SLC6A7: variants seen among roughly 807,000 people sequenced by gnomAD.
SLC6A7 encodes solute carrier family 6 member 7.
Under a neutral mutation model 73.1 loss-of-function variants are expected in SLC6A7, and 58 were observed. The ratio of observed to expected loss-of-function variants is 0.79; its 90% CI spans 0.64 to 0.99. SLC6A7 has a LOEUF of 0.99. SLC6A7 is among the 50% of genes least tolerant of loss of function. SLC6A7 has a pLI of 0.00. For missense variants in SLC6A7, 783 were observed against 831.4 expected (o/e 0.94, Z 0.72); for synonymous variants, 338 against 338.7 (o/e 1.00, Z 0.02).
intron 2 of SLC6A7, 106 bp downstream of exon 2, chr5:150,195,017 G>A (rs1433001910): frequency 5.3e-6 from 5 of 941,480 alleles, no homozygotes; most frequent in Non-Finnish European, 8.2e-6. Flanking sequence ...AGGCGACCTT[G>A]GGCAGAACTC....
chr5:150,197,198 A>G lies in SLC6A7; in HGVS notation c.506A>G (p.His169Arg). 6.2e-7 allele frequency: 1 copy of G among 1,613,916 alleles called. No homozygotes were observed. The highest frequency in any genetic ancestry group is 8.5e-7 in the Non-Finnish European group (1 of 1,179,982). ...NWWNTELCLE[H>R]RVSKDGNGAL... ...TGGAACACAGAACTCTGCCTGGAGCACAGAGTCTCCAAGGACGGCAACGGG... is the reference window on the plus strand; with the variant it reads ...TGGAACACAGAACTCTGCCTGGAGCGCAGAGTCTCCAAGGACGGCAACGGG... Residue 169 changes from histidine (H) to arginine (R), a missense_variant, in exon 4 of 14, where the codon CAC becomes CGC. Coordinates refer to ENST00000230671, the MANE Select transcript of SLC6A7 (RefSeq NM_014228.5).
chr5:150,209,994 A>G lies in SLC6A7; in HGVS notation c.*379A>G, dbSNP rs549470964. 3 of 293,174 alleles carry G rather than the reference A, an allele frequency of 1.0e-5. No individual in the cohort carries two copies. In the East Asian group the frequency reaches 2.4e-4, roughly 23 times the overall value. 18.2% of individuals were successfully genotyped at this position (293,174 alleles called of 1,614,324 possible). A position where few individuals can be genotyped will look rare whatever the true frequency, so the allele number is the denominator to read the frequency against. ...ATGGGGCAGCCGGCACCACCTTCTC[A>G]TCTCTATTCAGGGCCTACACCCCTC... On this transcript the variant is annotated 3_prime_UTR_variant, in exon 14 of 14. Transcript: ENST00000230671.
intron 8 of SLC6A7, 34 bp from the exon 9 acceptor site, chr5:150,203,633 C>A: frequency 1.8e-6 from 2 of 1,099,608 alleles, no homozygotes; most frequent in Non-Finnish European, 2.8e-6. Context: ...CACCGCATGA[C>A]CCAAGCTGCT....
At position 150,210,606 on chromosome 5, in the gene SLC6A7, G is replaced by A. The variant is rs996720412; in HGVS notation, c.*991G>A. On this transcript the variant is annotated 3_prime_UTR_variant, in exon 14 of 14. Transcript: ENST00000230671. ...ACCCACTGGACCCCAAGCCGCAAAA[G>A]CTGGGGAGGTAGGAAGGGTCACTGT... The A allele has an allele frequency of 2.6e-5, 4 of 152,442 alleles. No individual in the cohort carries two copies. Among genetic ancestry groups the A allele is most frequent in the Non-Finnish European group, 5.9e-5 (4 of 68,102 alleles). The allele number at this position is 152,442 out of a possible 1,614,324, so 9.4% of individuals were successfully genotyped here.
intron 1 of SLC6A7, among the ~76,000 whole-genome samples, chr5:150,192,412 T>G (rs998402910): frequency 2.0e-5 from 3 of 152,202 alleles, no homozygotes; most frequent in Non-Finnish European, 4.4e-5. Context: ...TGTTCCTGCA[T>G]GCCCCTGGGG....
intron 2 of SLC6A7, 44 bp from the exon 3 acceptor site, chr5:150,196,672 G>A (rs763360456): frequency 1.3e-5 from 21 of 1,588,184 alleles, no homozygotes; most frequent in Non-Finnish European, 1.7e-5. Context: ...GGCTTTTGGG[G>A]GAGCTGCCCC....
chr5:150,201,109 G>T lies in SLC6A7; in HGVS notation c.744G>T (p.Thr248=), dbSNP rs763449074. 1.9e-6 allele frequency: 3 copies of T among 1,613,766 alleles called. No individual in the cohort carries two copies. The highest frequency in any genetic ancestry group is 2.5e-6 in the Non-Finnish European group (3 of 1,179,826). Reference sequence around the variant, plus strand: ...CTCAGGTGGTGTATTTCACGGCCACGTTCCCCTACCTCATCCTGCTCATGC... The same window carrying T: ...CTCAGGTGGTGTATTTCACGGCCACTTTCCCCTACCTCATCCTGCTCATGC... The part of the protein sequence containing the change: ...SSGKVVYFTA[T]FPYLILLMLL... Residue 248 remains threonine, a synonymous_variant, in exon 6 of 14, where the codon ACG becomes ACT. Transcript: ENST00000230671.
intron 6 of SLC6A7, 115 bp from the exon 7 acceptor site, chr5:150,202,232 C>T (rs2240787): frequency 0.039 from 28,877 of 738,412 alleles, 1,050 homozygotes; most frequent in East Asian, 0.17. Context: ...CTCATGACCA[C>T]GCCATCCCTC....
chr5:150,191,942 G>A (rs1452607498), intron 1 of SLC6A7, among the ~76,000 whole-genome samples: 1 of 151,780 alleles, frequency 6.6e-6, no homozygotes, highest in Non-Finnish European at 1.5e-5. Flanking sequence ...CTAGGTCTTA[G>A]TAGCCCCACT....
chr5:150,201,149 G>T lies in SLC6A7; in HGVS notation c.784G>T (p.Val262Phe). The T allele has an allele frequency of 6.2e-7, 1 of 1,613,798 alleles. No individual in the cohort carries two copies. The highest frequency in any genetic ancestry group is 8.5e-7 in the Non-Finnish European group (1 of 1,179,842). ...LILLMLLVRG[V>F]TLPGAWKGIQ... The stretch of plus-strand genomic sequence containing the variant: ...CCTGCTCATGCTGCTGGTCCGCGGA[G>T]TCACCCTCCCAGGGGCCTGGAAGGG... The change falls in exon 6 of 14, where the codon GTC becomes TTC. Residue 262 changes from valine (V) to phenylalanine (F), a missense_variant. Transcript: ENST00000230671.
chr5:150,196,935 G>T, intron 3 of SLC6A7, 88 bp downstream of exon 3: 1 of 1,540,774 alleles, frequency 6.5e-7, no homozygotes, highest in Admixed American at 1.8e-5. Context: ...CCAGCTCCAG[G>T]CAGAGGTGGA....
intron 10 of SLC6A7, 44 bp downstream of exon 10, chr5:150,204,082 G>A: frequency 6.4e-7 from 1 of 1,574,748 alleles, no homozygotes; most frequent in Non-Finnish European, 8.6e-7. Flanking sequence ...CGGGACAAGG[G>A]CAGACGCCTG....
chr5:150,192,848 G>C (rs557928456), intron 1 of SLC6A7, among the ~76,000 whole-genome samples: 1 of 152,162 alleles, frequency 6.6e-6, no homozygotes, highest in East Asian at 1.9e-4. Context: ...TGGGATGGGC[G>C]GGGGGTGTCT....
rs777314086 is a variant in SLC6A7 at position 150,204,053 on chromosome 5, A to G, written c.1332+15A>G. The G allele has an allele frequency of 4.3e-6, 7 of 1,610,240 alleles. No individual in the cohort carries two copies. In the Admixed American group the frequency reaches 6.7e-5, roughly 15 times the overall value. On this transcript the variant is annotated intron_variant, in intron 10 of 13. Transcript: ENST00000230671. ...TCACCACTGATGTGAGTGGCGCTAC[A>G]GGGAGGATGGCAGGTGGGCGGGACA...
chr5:150,203,517 G>GTC, intron 8 of SLC6A7, 150 bp from the exon 9 acceptor site: 1 of 580,508 alleles, frequency 1.7e-6, no homozygotes, highest in Non-Finnish European at 3.1e-6. Flanking sequence ...TGGGAGTTAA[G>GTC]GAAGTATCAG....
intron 2 of SLC6A7, 36 bp from the exon 3 acceptor site, chr5:150,196,680 C>T: frequency 6.3e-7 from 1 of 1,596,786 alleles, no homozygotes; most frequent in Non-Finnish European, 8.5e-7. Flanking sequence ...GGGGAGCTGC[C>T]CCCAAGGCCC....
chr5:150,207,242 C>G (rs1411720715), intron 13 of SLC6A7, among the ~76,000 whole-genome samples: 1 of 152,008 alleles, frequency 6.6e-6, no homozygotes, highest in Middle Eastern at 3.2e-3. Context: ...ATCCAATAGG[C>G]AGGTTTTTTT....
intron 2 of SLC6A7, 125 bp from the exon 3 acceptor site, chr5:150,196,591 A>G: frequency 1.0e-6 from 1 of 966,648 alleles, no homozygotes; most frequent in Non-Finnish European, 1.5e-6. Context: ...TATAGAAGAA[A>G]AGAAACCTAC....
Position 150,192,778 on chromosome 5 carries a change from T to TC in SLC6A7, c.34-1949dup, listed in dbSNP as rs558948162. Among the ~76,000 whole-genome samples, 9 of 152,330 alleles carry TC rather than the reference T, an allele frequency of 5.9e-5. No individual in the cohort carries two copies. The South Asian group carries it at 1.7e-3, about 28-fold the overall frequency. On this transcript the variant is annotated intron_variant, in intron 1 of 13. Transcript: ENST00000230671. ...CCATGAGCATGGAAAGGGCAGCTTC[T>TC]CTGGAGGGATCAGAGGATCCTCATT...
Sources: allele counts gnomAD v4.1 joint callset (sites outside exome capture counted in the v4.1 genomes callset), GRCh38; gene constraint gnomAD v4.1.1; transcripts MANE v1.5; gene names NCBI Gene and HGNC (gene_info 2026-07-23, HGNC 2026-07-21).